WAS: variants seen among roughly 807,000 people sequenced by gnomAD.
The protein encoded by WAS is WASP actin nucleation promoting factor, also known as actin nucleation-promoting factor WAS.
In WAS, 1 loss-of-function variant was observed where a neutral mutation model predicts 38.9. The ratio of observed to expected loss-of-function variants is 0.03; its 90% confidence interval spans 0.01 to 0.12. The LOEUF (loss-of-function observed/expected upper bound fraction) is 0.12, where lower values mean the gene tolerates loss of function less well. Among genes scored for constraint, WAS ranks in the 10% least tolerant of loss-of-function variants. WAS has a pLI of 1.00. For synonymous variants in WAS, 182 were observed against 173.6 expected, an observed-to-expected ratio of 1.05 and a Z score of -0.38; for missense variants, 311 against 431.2, an observed-to-expected ratio of 0.72 and a Z score of 2.47.
intron 7 of WAS, 105 bp downstream of exon 7, chrX:48,687,060 TG>T: frequency 9.6e-7 from 1 of 1,040,310 alleles, no homozygotes; most frequent in Non-Finnish European, 1.3e-6. Flanking sequence ...GGCAGATGGC[TG>T]GGTGGCTGAG....
chrX:48,688,784 C>T lies in WAS; in HGVS notation c.1056C>T (p.Pro352=). 7 of 1,129,399 alleles carry T rather than the reference C, an allele frequency of 6.2e-6. No homozygotes were observed. The highest frequency in any genetic ancestry group is 8.3e-6 in the Non-Finnish European group (7 of 846,959). The allele number at this position is 1,129,399 out of a possible 1,213,427, so 93.1% of individuals were successfully genotyped here. Residue 352 remains proline, a synonymous_variant, in exon 10 of 12, where the codon CCC becomes CCT. Coordinates refer to ENST00000376701, the MANE Select transcript of WAS (RefSeq NM_000377.3). ...LPPVPLGIAP[P]PPTPRGPPPP... Reference sequence around the variant, plus strand: ...CTGTACCTTTGGGGATTGCCCCACCCCCACCAACACCCCGGGGACCCCCAC... The same window carrying T: ...CTGTACCTTTGGGGATTGCCCCACCTCCACCAACACCCCGGGGACCCCCAC...
chrX:48,688,994 CG>C lies in WAS; in HGVS notation c.1271del (p.Gly424AlafsTer21). 1 of 1,198,873 alleles carries C rather than the reference CG, an allele frequency of 8.3e-7. No homozygotes were observed. ...PPLPPALVPA[G>X]GLAPGGGRGA... ...CACTCCCTCCTGCTCTGGTGCCTGC[CG>C]GGGGCCTGGCCCCTGGTGGGGGTCG... On this transcript the variant is annotated frameshift_variant, in exon 10 of 12. Coordinates refer to ENST00000376701, the MANE Select transcript of WAS (RefSeq NM_000377.3). LOFTEE classifies it high-confidence loss of function.
Position 48,691,159 on chromosome X carries a change from C to T in WAS, c.1506C>T (p.Asp502=), listed in dbSNP as rs782218044. 5.8e-6 allele frequency: 7 copies of T among 1,207,642 alleles called. No individual in the cohort carries two copies. The highest frequency in any genetic ancestry group is 1.8e-5 in the South Asian group (1 of 56,687). ...GDEDEDDEWD[D] ...AAGATGAAGATGATGAATGGGATGACTGAGTGGCTGAGTTACTTGCTGCCC... is the reference window on the plus strand; with the variant it reads ...AAGATGAAGATGATGAATGGGATGATTGAGTGGCTGAGTTACTTGCTGCCC... The change falls in exon 12 of 12, where the codon GAC becomes GAT. Residue 502 remains aspartate, a synonymous_variant. Coordinates refer to ENST00000376701, the MANE Select transcript of WAS (RefSeq NM_000377.3).
upstream of WAS, among the ~76,000 whole-genome samples, chrX:48,682,446 G>T (rs1464090789): frequency 1.8e-5 from 2 of 112,404 alleles, no homozygotes; most frequent in African/African-American, 6.5e-5. Flanking sequence ...TGGCACACAC[G>T]TTAAGTGCTA....
Position 48,689,044 on chromosome X carries a change from G to A in WAS, c.1316G>A (p.Arg439Gln). ...CGGGGAGCGCTTTTGGATCAAATCC[G>A]GCAGGGAATTCAGCTGAACAAGGTG... ...GGRGALLDQI[R>Q]QGIQLNKTPG... The change falls in exon 10 of 12, where the codon CGG becomes CAG. Residue 439 changes from arginine (R) to glutamine (Q), a missense_variant. Transcript: ENST00000376701. 1 of 1,204,339 alleles carries A rather than the reference G, an allele frequency of 8.3e-7. No individual in the cohort carries two copies. Among genetic ancestry groups the A allele is most frequent in the Non-Finnish European group, 1.1e-6 (1 of 894,764 alleles).
chrX:48,684,519 C>A, intron 2 of WAS, 96 bp downstream of exon 2: 1 of 1,061,519 alleles, frequency 9.4e-7, no homozygotes, highest in Non-Finnish European at 1.3e-6. Context: ...AGACCTCAGA[C>A]CTGATCAGTG....
upstream of WAS, among the ~76,000 whole-genome samples, chrX:48,682,216 A>G (rs782335953): frequency 8.9e-6 from 1 of 112,510 alleles, no homozygotes; most frequent in Admixed American, 9.4e-5. Context: ...AGCAAGAACC[A>G]GAAGCAGCCC....
At chrX:48,689,624 C>A in intron 11 of WAS, 190 bp downstream of exon 11, 2 of 456,886 alleles carry the variant, frequency 4.4e-6, no homozygotes, top group East Asian at 3.7e-5. Context: ...ATAATTAACT[C>A]CAACTTTGAC....
At position 48,677,697 on chromosome X, in the gene WAS, C is replaced by T. The variant is rs1275225679; in HGVS notation, c.-131+949C>T. Among the ~76,000 whole-genome samples the T allele has an allele frequency of 2.7e-5, 3 of 111,568 alleles. No homozygotes were observed. The Admixed American group carries it at 2.9e-4, about 11-fold the overall frequency. On this transcript the variant is annotated intron_variant, in intron 1 of 8. Coordinates refer to the WAS transcript ENST00000450772. ...GTGCTCACCCTGTCCTCATTCCGCCCCCGGCAGGACAGAGGGCCCCTGAAG... is the reference window on the plus strand; with the variant it reads ...GTGCTCACCCTGTCCTCATTCCGCCTCCGGCAGGACAGAGGGCCCCTGAAG...
At chrX:48,684,007 C>T (rs2062411090) in intron 1 of WAS, 22 bp downstream of exon 1, 2 of 1,209,582 alleles carry the variant, frequency 1.7e-6, no homozygotes, top group Non-Finnish European at 2.2e-6. Flanking sequence ...ATCTCCTGCC[C>T]CCGCCCCGTC....
At chrX:48,677,839 G>T (rs1228654251) in intron 1 of WAS, among the ~76,000 whole-genome samples, 1 of 112,096 alleles carries the variant, frequency 8.9e-6, no homozygotes, top group African/African-American at 3.2e-5. Context: ...GCAGTGAACA[G>T]AGGAGAGGGA....
At chrX:48,689,569 C>T in intron 11 of WAS, 135 bp downstream of exon 11, 1 of 551,119 alleles carries the variant, frequency 1.8e-6, no homozygotes, top group African/African-American at 2.3e-5. Flanking sequence ...TTGTGTCAGC[C>T]TCGTTTTTGA....
chrX:48,683,041 C>T (rs1487720687), upstream of WAS, among the ~76,000 whole-genome samples: 2 of 111,237 alleles, frequency 1.8e-5, no homozygotes, highest in Non-Finnish European at 3.8e-5. Context: ...ATCACAGGGG[C>T]TCGCTCTGTA....
exon 1 of WAS, chrX:48,676,738 A>C: frequency 8.9e-6 from 1 of 112,529 alleles, no homozygotes; most frequent in South Asian, 3.6e-4. Flanking sequence ...TTCCTCCCAC[A>C]ACACAAAACG....
In WAS at chrX:48,689,100, A is replaced by G. The variant is rs782280376; in HGVS notation, c.1338+34A>G. On this transcript the variant is annotated intron_variant, in intron 10 of 11. Coordinates refer to ENST00000376701, the MANE Select transcript of WAS (RefSeq NM_000377.3). ...AGGCAGGATGGAGGATTGGGGGTCT[A>G]GGACTCTGGGGTGTCCCGTCTAAGT... The G allele has an allele frequency of 2.0e-5, 23 of 1,173,602 alleles. 1 individual carries two copies. In the South Asian group the frequency reaches 4.0e-4, roughly 20 times the overall value.
chrX:48,678,662 A>G (rs190812497), intron 1 of WAS, among the ~76,000 whole-genome samples: 1 of 110,984 alleles, frequency 9.0e-6, no homozygotes, highest in South Asian at 3.8e-4. Flanking sequence ...TGCTGAGAGC[A>G]ACCAGAAAAG....
chrX:48,690,735 G>A (rs1370792950), intron 11 of WAS, among the ~76,000 whole-genome samples: 1 of 110,607 alleles, frequency 9.0e-6, no homozygotes, highest in Non-Finnish European at 1.9e-5. Context: ...ACTACGCCCA[G>A]CTAATTTTGA....
chrX:48,688,209 C>T, intron 8 of WAS, 91 bp from the exon 9 acceptor site: 1 of 1,160,038 alleles, frequency 8.6e-7, no homozygotes, highest in Non-Finnish European at 1.2e-6. Context: ...TCTCAGATCC[C>T]TTGCTGGGAT....
In WAS at chrX:48,686,768, A is replaced by G. The variant is rs2062421365; in HGVS notation, c.560-13A>G. 1 of 1,209,611 alleles carries G rather than the reference A, an allele frequency of 8.3e-7. No homozygotes were observed. Among genetic ancestry groups the G allele is most frequent in the Admixed American group, 2.2e-5 (1 of 45,934 alleles). On this transcript the variant is annotated splice_polypyrimidine_tract_variant and intron_variant, in intron 6 of 11. Transcript: ENST00000376701. The stretch of plus-strand genomic sequence containing the variant: ...AGTGGGTCAATGAGCCAACCACCCT[A>G]TTTTCCCCACAGGCCCTCCAGTGGG...
Sources: allele counts gnomAD v4.1 joint callset (sites outside exome capture counted in the v4.1 genomes callset), GRCh38; gene constraint gnomAD v4.1.1; transcripts MANE v1.5; gene names NCBI Gene and HGNC (gene_info 2026-07-23, HGNC 2026-07-21).